NXN: variants seen among roughly 807,000 people sequenced by gnomAD.
The protein encoded by NXN is nucleoredoxin.
NXN carries 16 observed loss-of-function variants against 48.6 expected under a neutral mutation model. The observed-to-expected ratio is 0.33, with a 90% CI of 0.22 to 0.50. The LOEUF (loss-of-function observed/expected upper bound fraction) is 0.50, where lower values mean the gene tolerates loss of function less well. Among genes scored for constraint, NXN ranks in the 20% least tolerant of loss-of-function variants. The pLI is 0.98. For missense variants in NXN, 492 were observed against 605.5 expected (o/e 0.81, Z 1.97); for synonymous variants, 281 against 269.6 (o/e 1.04, Z -0.41).
intron 1 of NXN, 48 bp downstream of exon 1, chr17:979,271 A>C (rs2150651187): frequency 9.4e-7 from 1 of 1,066,222 alleles, no homozygotes. Context: ...GGGCAGGGGT[A>C]ACGGGCGTGG....
intron 1 of NXN, among the ~76,000 whole-genome samples, chr17:946,082 G>A (rs28739500): frequency 0.012 from 1,814 of 152,268 alleles, 39 homozygotes; most frequent in African/African-American, 0.041. Context: ...GGGGAGCTGG[G>A]TAACTAAAAG....
In NXN at chr17:879,216, G is replaced by T. The variant is rs764507422; in HGVS notation, c.361-53138C>A. On this transcript the variant is annotated intron_variant, in intron 1 of 7. Coordinates refer to ENST00000336868, the MANE Select transcript of NXN (RefSeq NM_022463.5). Reference sequence around the variant, plus strand: ...GGGAAGGAGAAGGAGAGAACAAAGCGGAAGAAAAACTAGTGAAGAGCAGGG... The same window carrying T: ...GGGAAGGAGAAGGAGAGAACAAAGCTGAAGAAAAACTAGTGAAGAGCAGGG... 1.2e-4 allele frequency among the ~76,000 whole-genome samples: 18 copies of T among 151,884 alleles called. No homozygotes were observed. The Middle Eastern group carries it at 0.01, about 86-fold the overall frequency.
At chr17:939,811 C>T (rs1481358499) in intron 1 of NXN, among the ~76,000 whole-genome samples, 3 of 152,172 alleles carry the variant, frequency 2.0e-5, no homozygotes, top group Non-Finnish European at 4.4e-5. Flanking sequence ...AGACTGATCC[C>T]CCACATGCTT....
Position 920,419 on chromosome 17 carries a change from T to G in NXN, c.360+58900A>C, listed in dbSNP as rs897446579. Among the ~76,000 whole-genome samples, 3 of 152,096 alleles carry G rather than the reference T, an allele frequency of 2.0e-5. No homozygotes were observed. The highest frequency in any genetic ancestry group is 4.4e-5 in the Non-Finnish European group (3 of 68,016). ...CTCCTGTCATGCCCCAAGGCCAATG[T>G]AGCCTTGGGGATGCCGAGCCTGCCT... On this transcript the variant is annotated intron_variant, in intron 1 of 7. Transcript: ENST00000336868. The surrounding 1 kb of genome is among the most constrained non-coding windows in gnomAD (Gnocchi z 4.6).
At chr17:976,273 C>A (rs1376058819) in intron 1 of NXN, among the ~76,000 whole-genome samples, 2 of 151,262 alleles carry the variant, frequency 1.3e-5, no homozygotes, top group African/African-American at 4.9e-5. Flanking sequence ...ACGGTCATCC[C>A]CAGGTTTTTT....
At chr17:892,691 G>A (rs775708266) in intron 1 of NXN, among the ~76,000 whole-genome samples, 15 of 152,190 alleles carry the variant, frequency 9.9e-5, no homozygotes, top group Non-Finnish European at 1.5e-4. Context: ...GTTCATCGCT[G>A]TCCCAGGAAA....
intron 7 of NXN, among the ~76,000 whole-genome samples, chr17:802,597 G>T (rs1215741922): frequency 4.6e-5 from 7 of 152,240 alleles, no homozygotes. Context: ...TTCTGCAGGG[G>T]TTGGAGTCAC....
intron 1 of NXN, among the ~76,000 whole-genome samples, chr17:934,440 T>C (rs7214482): frequency 0.38 from 56,722 of 149,410 alleles, 11,133 homozygotes; most frequent in East Asian, 0.6. Context: ...AACGAGACTC[T>C]GTCTCAAAGA....
chr17:935,788 C>T (rs1178084603), intron 1 of NXN, among the ~76,000 whole-genome samples: 2 of 152,032 alleles, frequency 1.3e-5, no homozygotes, highest in African/African-American at 4.8e-5. Flanking sequence ...CACATCCTTG[C>T]CTGGAATAAA....
At chr17:977,541 C>T (rs958558102) in intron 1 of NXN, among the ~76,000 whole-genome samples, 2 of 152,216 alleles carry the variant, frequency 1.3e-5, no homozygotes, top group African/African-American at 4.8e-5. Context: ...CTGTTTGCTC[C>T]ATATTTTTAC....
chr17:863,705 C>T (rs1241883820), intron 1 of NXN, among the ~76,000 whole-genome samples: 1 of 151,918 alleles, frequency 6.6e-6, no homozygotes, highest in Non-Finnish European at 1.5e-5. Context: ...TGATGCAATC[C>T]TCCTGCCTCA....
intron 1 of NXN, among the ~76,000 whole-genome samples, chr17:903,380 T>C (rs1401118064): frequency 6.7e-6 from 1 of 149,916 alleles, no homozygotes; most frequent in African/African-American, 2.5e-5. Context: ...CTCTGTTTTT[T>C]GATCTATGCT....
intron 1 of NXN, among the ~76,000 whole-genome samples, chr17:937,937 C>G (rs2068927570): frequency 6.6e-6 from 1 of 152,234 alleles, no homozygotes; most frequent in Non-Finnish European, 1.5e-5. Context: ...ACGCTGCGCC[C>G]AGCGGAAAGG....
intron 5 of NXN, among the ~76,000 whole-genome samples, chr17:807,786 G>A (rs2144581301): frequency 6.6e-6 from 1 of 152,400 alleles, no homozygotes; most frequent in South Asian, 2.1e-4. Flanking sequence ...CCCTCAGCTG[G>A]TCCTGACGAG....
At chr17:928,012 A>AACC (rs1396369192) in intron 1 of NXN, among the ~76,000 whole-genome samples, 1 of 151,984 alleles carries the variant, frequency 6.6e-6, no homozygotes, top group East Asian at 1.9e-4. Flanking sequence ...GATAAAGGGA[A>AACC]ACCACAGATT....
intron 1 of NXN, among the ~76,000 whole-genome samples, chr17:902,186 G>A (rs905910767): frequency 6.6e-6 from 1 of 152,130 alleles, no homozygotes; most frequent in Non-Finnish European, 1.5e-5. Context: ...GGCATCTCTC[G>A]CCAGTTTCAT....
Position 857,089 on chromosome 17 carries a change from A to C in NXN, c.361-31011T>G, listed in dbSNP as rs2067993612. Among the ~76,000 whole-genome samples, 3 of 152,276 alleles carry C rather than the reference A, an allele frequency of 2.0e-5. No homozygotes were observed. In the South Asian group the frequency reaches 6.2e-4, roughly 32 times the overall value. On this transcript the variant is annotated intron_variant, in intron 1 of 7. Transcript: ENST00000336868. ...AAGCTGCTACAATAGGACAGTGCAG[A>C]CTGTGTGGCTTAGGAACACAAAAGT...
intron 1 of NXN, among the ~76,000 whole-genome samples, chr17:839,955 G>A (rs539329024): frequency 6.6e-6 from 1 of 151,750 alleles, no homozygotes; most frequent in African/African-American, 2.4e-5. Context: ...CAATTAGCTG[G>A]GCAAGGAGAC....
chr17:939,593 A>G (rs1597258067), intron 1 of NXN, among the ~76,000 whole-genome samples: 1 of 152,200 alleles, frequency 6.6e-6, no homozygotes, highest in Admixed American at 6.5e-5. Context: ...TGATCCTCCC[A>G]CCTTGGCCTC....
Sources: allele counts gnomAD v4.1 joint callset (sites outside exome capture counted in the v4.1 genomes callset), GRCh38; gene constraint gnomAD v4.1.1; non-coding constraint Gnocchi (gnomAD v3.1); transcripts MANE v1.5; gene names NCBI Gene and HGNC (gene_info 2026-07-23, HGNC 2026-07-21).